Variants in MTOR observed in about 807,000 individuals in gnomAD.
MTOR encodes mechanistic target of rapamycin kinase, also known as serine/threonine-protein kinase mTOR.
In MTOR, 70 loss-of-function variants were observed where a neutral mutation model predicts 319.8. The ratio of observed to expected loss-of-function variants is 0.22; its 90% confidence interval spans 0.18 to 0.27. The LOEUF (loss-of-function observed/expected upper bound fraction) is 0.27, where lower values mean the gene tolerates loss of function less well. Ranked by LOEUF, MTOR falls within the 10% of genes least tolerant of loss-of-function variation. The probability of loss-of-function intolerance (pLI) is 1.00; values close to 1 mark genes in which losing one functional copy is unlikely to be tolerated. For missense variants in MTOR, 1,890 were observed against 3,274.4 expected, an observed-to-expected ratio of 0.58 and a Z score of 10.32; for synonymous variants, 1,183 against 1,211.4, an observed-to-expected ratio of 0.98 and a Z score of 0.49.
chr1:11,186,082 CAAAAAAAAAAA>C (rs765868801), intron 28 of MTOR, among the ~76,000 whole-genome samples: 2 of 43,010 alleles, frequency 4.7e-5, no homozygotes, highest in Non-Finnish European at 9.7e-5. Context: ...GACTCCGTCT[CAAAAAAAAAAA>C]AAAAAAAAAA....
chr1:11,160,478 A>G (rs1322349341), intron 29 of MTOR, among the ~76,000 whole-genome samples: 1 of 152,164 alleles, frequency 6.6e-6, no homozygotes, highest in Non-Finnish European at 1.5e-5. Context: ...GCCTAGACAC[A>G]ATGCAAGCTC....
chr1:11,205,241 G>C (rs563678551), intron 25 of MTOR, among the ~76,000 whole-genome samples: 5 of 152,274 alleles, frequency 3.3e-5, no homozygotes, highest in African/African-American at 1.2e-4. Flanking sequence ...TCAAAACTCT[G>C]AACTCTCCAG....
chr1:11,142,158 T>G (rs1013746197), intron 34 of MTOR, among the ~76,000 whole-genome samples: 1 of 152,090 alleles, frequency 6.6e-6, no homozygotes, highest in African/African-American at 2.4e-5. Context: ...TAACCTGAGA[T>G]TCTATCAGCA....
intron 28 of MTOR, among the ~76,000 whole-genome samples, chr1:11,174,018 A>T (rs1644907084): frequency 6.6e-6 from 1 of 152,234 alleles, no homozygotes; most frequent in East Asian, 1.9e-4. Context: ...CTGTGAAACT[A>T]TTATTAATAT....
intron 34 of MTOR, chr1:11,143,958 GAC>G (rs1248717364): frequency 3.3e-5 from 5 of 152,172 alleles, no homozygotes; most frequent in Non-Finnish European, 5.9e-5. Flanking sequence ...GACCTGGAGT[GAC>G]AGTTTCTCAT....
At chr1:11,118,793 A>G (rs1642336203) in intron 49 of MTOR, among the ~76,000 whole-genome samples, 1 of 151,512 alleles carries the variant, frequency 6.6e-6, no homozygotes, top group Admixed American at 6.6e-5. Context: ...TGCCCGGCTA[A>G]TTTTTTATTT....
chr1:11,226,171 C>A (rs1646829745), intron 19 of MTOR: 1 of 152,030 alleles, frequency 6.6e-6, no homozygotes, highest in South Asian at 2.1e-4. Flanking sequence ...CTATTACAGA[C>A]TAAAGAATTC....
chr1:11,124,428 T>C, intron 47 of MTOR, 70 bp downstream of exon 47: 1 of 1,565,206 alleles, frequency 6.4e-7, no homozygotes, highest in Admixed American at 1.7e-5. Flanking sequence ...AATACATGAC[T>C]ACACGAGACA....
chr1:11,205,324 T>C (rs535780980), intron 25 of MTOR, among the ~76,000 whole-genome samples: 1 of 152,266 alleles, frequency 6.6e-6, no homozygotes, highest in African/African-American at 2.4e-5. Context: ...AACAGTATAG[T>C]GTAGTGGGCA....
At chr1:11,170,918 A>T (rs1164284131) in intron 28 of MTOR, among the ~76,000 whole-genome samples, 1 of 151,716 alleles carries the variant, frequency 6.6e-6, no homozygotes, top group East Asian at 1.9e-4. Context: ...CTTCACCTGA[A>T]CCAGAAGAAA....
chr1:11,173,288 C>A (rs1644881024), intron 28 of MTOR, among the ~76,000 whole-genome samples: 1 of 152,050 alleles, frequency 6.6e-6, no homozygotes, highest in Non-Finnish European at 1.5e-5. Context: ...GCCACCTCGC[C>A]TAGCCCACTC....
At chr1:11,178,341 G>A (rs778686920) in intron 28 of MTOR, among the ~76,000 whole-genome samples, 2 of 152,180 alleles carry the variant, frequency 1.3e-5, no homozygotes, top group African/African-American at 2.4e-5. Context: ...GGCAGAGAGA[G>A]GTGCACAACC....
chr1:11,194,358 TA>T, intron 28 of MTOR: 4 of 1,084,490 alleles, frequency 3.7e-6, no homozygotes, highest in Non-Finnish European at 5.5e-6. Flanking sequence ...TTCACACCTA[TA>T]AAAAGATGTT....
chr1:11,248,948 A>C (rs1422476509), intron 6 of MTOR, among the ~76,000 whole-genome samples: 2 of 152,124 alleles, frequency 1.3e-5, no homozygotes, highest in Non-Finnish European at 2.9e-5. Flanking sequence ...ATCCTGAGTC[A>C]GGCGCAAGGG....
chr1:11,235,335 T>C (rs1000678292), intron 13 of MTOR, among the ~76,000 whole-genome samples: 1 of 151,994 alleles, frequency 6.6e-6, no homozygotes, highest in African/African-American at 2.4e-5. Flanking sequence ...AAGGCCAAAG[T>C]CGGCCAGGCA....
At position 11,112,890 on chromosome 1, in the gene MTOR, C is replaced by T. The variant is rs759011563; in HGVS notation, c.7328G>A (p.Arg2443Gln). Residue 2443 changes from arginine (R) to glutamine (Q), a missense_variant, in exon 54 of 58, where the codon CGA (arginine) becomes CAA (glutamine). Arg to Gln is a conservative substitution (Grantham distance 43, BLOSUM62 1). Around this residue, in one of 15 missense-constraint regions of MTOR, gnomAD observed 49 missense variants for 67.6 expected, o/e 0.72. Transcript: ENST00000361445. The stretch of plus-strand genomic sequence containing the variant: ...AGCAGAGTAGGAATCCGTCCTCGTT[C>T]GGGATCGCTTGTTGCCTTTGGTATT... ...DTNTKGNKRS[R>Q]TRTDSYSAGQ... 19 of 1,614,166 alleles carry T rather than the reference C, an allele frequency of 1.2e-5. No individual in the cohort carries two copies. Among genetic ancestry groups the T allele is most frequent in the Non-Finnish European group, 1.5e-5 (18 of 1,180,020 alleles).
chr1:11,133,209 G>C lies in MTOR; in HGVS notation c.5247-12C>G. On this transcript the variant is annotated splice_polypyrimidine_tract_variant and intron_variant, in intron 37 of 57. Transcript: ENST00000361445. The surrounding 1 kb of genome is among the most constrained non-coding windows in gnomAD (Gnocchi z 4.0). The stretch of plus-strand genomic sequence containing the variant: ...GTTTCAGGAAGCATCTGGAAGCAGA[G>C]AAACAAGCCCCCATGACATTCCCTC... 1 of 1,611,364 alleles carries C rather than the reference G, an allele frequency of 6.2e-7. No homozygotes were observed. Among genetic ancestry groups the C allele is most frequent in the Non-Finnish European group, 8.5e-7 (1 of 1,177,508 alleles).
At chr1:11,156,370 G>A (rs921901634) in intron 30 of MTOR, among the ~76,000 whole-genome samples, 21 of 152,140 alleles carry the variant, frequency 1.4e-4, no homozygotes, top group African/African-American at 3.9e-4. Context: ...TTTAAAAGTT[G>A]CACTTGTTGT....
At chr1:11,203,162 A>G (rs1646033954) in intron 26 of MTOR, among the ~76,000 whole-genome samples, 1 of 151,720 alleles carries the variant, frequency 6.6e-6, no homozygotes, top group Non-Finnish European at 1.5e-5. Context: ...GCAGTGAGCC[A>G]CAATTGCGCC....
Sources: allele counts gnomAD v4.1 joint callset (sites outside exome capture counted in the v4.1 genomes callset), GRCh38; gene constraint gnomAD v4.1.1; regional missense constraint gnomAD v4.1.1; non-coding constraint Gnocchi (gnomAD v3.1); transcripts MANE v1.5; gene names NCBI Gene and HGNC (gene_info 2026-07-23, HGNC 2026-07-21).